The following KIRREL3 variants were observed in gnomAD, a reference collection of about 807,000 sequenced individuals.
KIRREL3 encodes kirre like nephrin family adhesion molecule 3, also known as kin of IRRE-like protein 3.
A neutral mutation model predicts 89.7 loss-of-function variants in KIRREL3; 36 were observed. That is an observed-to-expected ratio of 0.40 (90% CI 0.31 to 0.53). The LOEUF is 0.53. KIRREL3 is among the 20% of genes least tolerant of loss of function. KIRREL3 has a pLI of 0.49. For missense variants in KIRREL3, 864 were observed against 1,056.6 expected, an observed-to-expected ratio of 0.82 and a Z score of 2.53; for synonymous variants, 445 against 441.4, an observed-to-expected ratio of 1.01 and a Z score of -0.10.
chr11:126,478,649 G>C (rs952944207), intron 4 of KIRREL3, among the ~76,000 whole-genome samples: 2 of 129,164 alleles, frequency 1.5e-5, no homozygotes, highest in Non-Finnish European at 3.0e-5. Flanking sequence ...ATGTGTGTAT[G>C]TATGTGTATA....
In KIRREL3 at chr11:126,931,840, C is replaced by A. The variant is rs547804309; in HGVS notation, c.55+68615G>T. On this transcript the variant is annotated intron_variant, in intron 1 of 16. Transcript: ENST00000525144. This position sits in a 1 kb window ranked among gnomAD's most constrained non-coding sequence, Gnocchi z 5.1. ...TGAGGGCTGCCAGCACCCAGGGAGC[C>A]CCAGGACACGTGTTGCCTTCTCACC... Among the ~76,000 whole-genome samples the A allele has an allele frequency of 1.3e-4, 20 of 152,136 alleles. No individual in the cohort carries two copies. In the East Asian group the frequency reaches 3.9e-3, roughly 29 times the overall value.
At chr11:126,629,122 C>T (rs1300538332) in intron 1 of KIRREL3, among the ~76,000 whole-genome samples, 1 of 152,200 alleles carries the variant, frequency 6.6e-6, no homozygotes, top group African/African-American at 2.4e-5. Context: ...TGTCTTGCTT[C>T]TGGACCAGGC....
chr11:126,810,587 G>T (rs1181648265), intron 1 of KIRREL3, among the ~76,000 whole-genome samples: 2 of 142,860 alleles, frequency 1.4e-5, no homozygotes, highest in Non-Finnish European at 3.1e-5. Context: ...CGCAAGGAAA[G>T]ACAATAAGGC....
intron 1 of KIRREL3, chr11:126,681,676 G>T (rs1277197815): frequency 3.0e-6 from 1 of 334,538 alleles, no homozygotes; most frequent in East Asian, 7.6e-5. Flanking sequence ...GCAAATTGTT[G>T]TCACTGGAGT....
intron 1 of KIRREL3, among the ~76,000 whole-genome samples, chr11:126,856,563 AT>A (rs1944516699): frequency 2.1e-4 from 1 of 4,772 alleles, no homozygotes; most frequent in Admixed American, 3.2e-3. Flanking sequence ...AAGTATATAT[AT>A]ATATATATAT....
intron 1 of KIRREL3, among the ~76,000 whole-genome samples, chr11:126,979,187 T>A (rs1949658233): frequency 6.6e-6 from 1 of 152,184 alleles, no homozygotes; most frequent in Admixed American, 6.5e-5. Context: ...ACAGACCACA[T>A]CTGCCTTTGG....
intron 1 of KIRREL3, among the ~76,000 whole-genome samples, chr11:126,726,424 G>T (rs2134182326): frequency 6.6e-6 from 1 of 152,130 alleles, no homozygotes; most frequent in South Asian, 2.1e-4. Context: ...CTGGAGGGCG[G>T]TGGCATGACC....
At chr11:126,446,387 A>G (rs1010720668) in intron 9 of KIRREL3, among the ~76,000 whole-genome samples, 1 of 140,594 alleles carries the variant, frequency 7.1e-6, no homozygotes, top group Admixed American at 7.5e-5. Flanking sequence ...CCCAGGCTGG[A>G]CTTAAACTCT....
chr11:126,965,092 T>C lies in KIRREL3; in HGVS notation c.55+35363A>G, dbSNP rs1466010460. Among the ~76,000 whole-genome samples, 1 of 152,144 alleles carries C rather than the reference T, an allele frequency of 6.6e-6. No individual in the cohort carries two copies. The highest frequency in any genetic ancestry group is 1.9e-4 in the East Asian group (1 of 5,196). Reference sequence around the variant, plus strand: ...CAAGAAAAAGTTAAGTAATTTTACCTAGGCCACAGAAAAAGCGGCTCAAGA... The same window carrying C: ...CAAGAAAAAGTTAAGTAATTTTACCCAGGCCACAGAAAAAGCGGCTCAAGA... On this transcript the variant is annotated intron_variant, in intron 1 of 16. Transcript: ENST00000525144. The surrounding 1 kb of genome is among the most constrained non-coding windows in gnomAD (Gnocchi z 4.4).
intron 10 of KIRREL3, chr11:126,440,893 A>C (rs1955538734): frequency 2.8e-6 from 1 of 356,400 alleles, no homozygotes; most frequent in South Asian, 2.7e-5. Flanking sequence ...GCGGACGGGG[A>C]AAGCTTTAGG....
rs1592062180 is a variant in KIRREL3, at chr11:126,744,910, G to C, written c.56-181998C>G. Among the ~76,000 whole-genome samples, 2 of 151,066 alleles carry C rather than the reference G, an allele frequency of 1.3e-5. No individual in the cohort carries two copies. The highest frequency in any genetic ancestry group is 2.9e-5 in the Non-Finnish European group (2 of 67,906). On this transcript the variant is annotated intron_variant, in intron 1 of 16. Coordinates refer to ENST00000525144, the MANE Select transcript of KIRREL3 (RefSeq NM_032531.4). This position sits in a 1 kb window ranked among gnomAD's most constrained non-coding sequence, Gnocchi z 4.7. ...AAAAAAAGGTGGGAAAAGTAGCTGA[G>C]AACTGGTTTACTGAGGAAAGAAGTT... is the stretch of plus-strand genomic sequence containing the variant.
intron 1 of KIRREL3, among the ~76,000 whole-genome samples, chr11:126,806,152 G>C (rs141812488): frequency 6.6e-6 from 1 of 152,180 alleles, no homozygotes; most frequent in Non-Finnish European, 1.5e-5. Flanking sequence ...TGAAAGGCCA[G>C]CTCAGATCTT....
Position 126,501,454 on chromosome 11 carries a change from C to T in KIRREL3, c.433+19861G>A, listed in dbSNP as rs181752623. Reference sequence around the variant, plus strand: ...GGGTGCCCAGGTGGGGAAGGCAGAGCGCAGGTCGAGCAGATTCTACCGCAG... The same window carrying T: ...GGGTGCCCAGGTGGGGAAGGCAGAGTGCAGGTCGAGCAGATTCTACCGCAG... On this transcript the variant is annotated intron_variant, in intron 4 of 16. Coordinates refer to ENST00000525144, the MANE Select transcript of KIRREL3 (RefSeq NM_032531.4). The surrounding 1 kb of genome is among the most constrained non-coding windows in gnomAD (Gnocchi z 5.8). Among the ~76,000 whole-genome samples, 1,104 of 152,256 alleles carry T rather than the reference C, an allele frequency of 7.3e-3. 9 individuals carry two copies. The highest frequency in any genetic ancestry group is 0.016 in the Admixed American group (247 of 15,288).
intron 1 of KIRREL3, among the ~76,000 whole-genome samples, chr11:126,845,489 G>T (rs895504603): frequency 1.3e-5 from 2 of 152,116 alleles, no homozygotes; most frequent in African/African-American, 4.8e-5. Flanking sequence ...TTTTTGTACT[G>T]TTTTGTCATA....
At chr11:126,885,366 C>T (rs1945657084) in intron 1 of KIRREL3, among the ~76,000 whole-genome samples, 1 of 152,138 alleles carries the variant, frequency 6.6e-6, no homozygotes, top group African/African-American at 2.4e-5. Flanking sequence ...AAGACAGCAA[C>T]ATGAAAACAT....
At chr11:126,634,355 T>C (rs771827125) in intron 1 of KIRREL3, among the ~76,000 whole-genome samples, 1 of 152,216 alleles carries the variant, frequency 6.6e-6, no homozygotes, top group Non-Finnish European at 1.5e-5. Context: ...GAAGGTGCCA[T>C]TGTTCCCTGT....
chr11:126,719,870 C>T lies in KIRREL3; in HGVS notation c.56-156958G>A, dbSNP rs181487463. ...TTCCCTGCTTCAGCCTCTTCTTAAC[C>T]CAGTGGCCACAGCCATCCTTACGCA... On this transcript the variant is annotated intron_variant, in intron 1 of 16. Transcript: ENST00000525144. The surrounding 1 kb of genome is among the most constrained non-coding windows in gnomAD (Gnocchi z 4.7). 1.1e-3 allele frequency among the ~76,000 whole-genome samples: 173 copies of T among 152,308 alleles called. 2 individuals are homozygous for T. Among genetic ancestry groups the T allele is most frequent in the Non-Finnish European group, 9.3e-4 (63 of 68,032 alleles).
chr11:126,592,351 A>G (rs1942177942), intron 1 of KIRREL3, among the ~76,000 whole-genome samples: 1 of 152,216 alleles, frequency 6.6e-6, no homozygotes, highest in African/African-American at 2.4e-5. Flanking sequence ...AATCCTTATA[A>G]CAACACAGTA....
chr11:126,842,778 A>T (rs746463729), intron 1 of KIRREL3, among the ~76,000 whole-genome samples: 1 of 152,204 alleles, frequency 6.6e-6, no homozygotes, highest in Non-Finnish European at 1.5e-5. Flanking sequence ...TTACTCACAG[A>T]AAGTGGACTG....
Sources: allele counts gnomAD v4.1 joint callset (sites outside exome capture counted in the v4.1 genomes callset), GRCh38; gene constraint gnomAD v4.1.1; non-coding constraint Gnocchi (gnomAD v3.1); transcripts MANE v1.5; gene names NCBI Gene and HGNC (gene_info 2026-07-23, HGNC 2026-07-21).